Variants in NT5C2 observed in about 807,000 individuals in gnomAD.
NT5C2 encodes the protein 5'-nucleotidase, cytosolic II, also known as cytosolic purine 5'-nucleotidase.
NT5C2 carries 58 observed loss-of-function variants against 76.1 expected under a neutral mutation model. The ratio of observed to expected loss-of-function variants is 0.76; its 90% CI spans 0.62 to 0.95. The LOEUF is 0.95. Among genes scored for constraint, NT5C2 ranks in the 40% least tolerant of loss-of-function variants. The pLI is 0.00. For synonymous variants in NT5C2, 229 were observed against 237.4 expected, an observed-to-expected ratio of 0.96 and a Z score of 0.32; for missense variants, 478 against 690.3, an observed-to-expected ratio of 0.69 and a Z score of 3.45.
chr10:103,174,890 G>T lies in NT5C2; in HGVS notation c.69C>A (p.Ala23=), dbSNP rs1214907834. 6.2e-7 allele frequency: 1 copy of T among 1,613,348 alleles called. No individual in the cohort carries two copies. The highest frequency in any genetic ancestry group is 1.7e-5 in the Admixed American group (1 of 60,014). Residue 23 remains alanine (A), a synonymous_variant, in exon 3 of 19, where the codon GCC becomes GCA. Coordinates refer to ENST00000404739, the MANE Select transcript of NT5C2 (RefSeq NM_001351169.2). The part of the protein sequence containing the change: ...ADMPANMDKH[A]LKKYRREAYH... The stretch of plus-strand genomic sequence containing the variant: ...AGGCTTCTCGACGATACTTTTTCAG[G>T]GCATGCTTATCCATGTTAGCAGGCA...
Position 103,095,917 on chromosome 10 carries a change from T to A in NT5C2, c.813+22A>T, listed in dbSNP as rs549982673. 5.6e-6 allele frequency: 9 copies of A among 1,595,648 alleles called. No homozygotes were observed. In the South Asian group the frequency reaches 8.8e-5, roughly 16 times the overall value. ...GCATTCATTGTTATTAAAGCAGTGG[T>A]CTATTGAGTCACATACGGTACCTTG... is the stretch of plus-strand genomic sequence containing the variant. On this transcript the variant is annotated intron_variant, in intron 12 of 18. Transcript: ENST00000404739.
At chr10:103,098,797 G>T in intron 10 of NT5C2, 134 bp downstream of exon 10, 1 of 654,516 alleles carries the variant, frequency 1.5e-6, no homozygotes, top group Non-Finnish European at 2.6e-6. Context: ...TATTCTTGGT[G>T]ATTATACCCG....
At chr10:103,130,262 C>G (rs1207133278) in intron 4 of NT5C2, among the ~76,000 whole-genome samples, 9 of 151,784 alleles carry the variant, frequency 5.9e-5, no homozygotes, top group Admixed American at 2.0e-4. Flanking sequence ...TACCCCCAAC[C>G]CTGTGCTCTC....
chr10:103,168,723 T>C (rs1022392703), intron 3 of NT5C2, among the ~76,000 whole-genome samples: 6 of 152,218 alleles, frequency 3.9e-5, no homozygotes, highest in Non-Finnish European at 7.3e-5. Context: ...AATAATGACA[T>C]ATGACTGGCA....
intron 3 of NT5C2, among the ~76,000 whole-genome samples, chr10:103,149,020 ACTGTACAT>A (rs1565187200): frequency 6.6e-6 from 1 of 152,142 alleles, no homozygotes; most frequent in Non-Finnish European, 1.5e-5. Flanking sequence ...CTCAGCCTTG[ACTGTACAT>A]CTATTTCCCA....
intron 4 of NT5C2, among the ~76,000 whole-genome samples, chr10:103,130,417 C>A (rs951310507): frequency 1.3e-5 from 2 of 150,896 alleles, no homozygotes; most frequent in Non-Finnish European, 3.0e-5. Flanking sequence ...ACAAACACTG[C>A]GGAAGGCCGC....
chr10:103,114,210 C>T (rs1230093244), intron 4 of NT5C2, among the ~76,000 whole-genome samples: 2 of 152,018 alleles, frequency 1.3e-5, no homozygotes, highest in African/African-American at 2.4e-5. Context: ...GTAAGGAGTT[C>T]GAGACCAGCC....
intron 2 of NT5C2, among the ~76,000 whole-genome samples, chr10:103,180,462 T>C (rs2090855101): frequency 6.6e-6 from 1 of 152,204 alleles, no homozygotes; most frequent in Non-Finnish European, 1.5e-5. Flanking sequence ...TTGGGCACAG[T>C]GGCTCACACC....
intron 1 of NT5C2, among the ~76,000 whole-genome samples, chr10:103,190,968 G>A (rs1255716851): frequency 6.6e-6 from 1 of 152,136 alleles, no homozygotes; most frequent in Non-Finnish European, 1.5e-5. Flanking sequence ...CACAGCAAGT[G>A]TACTAGATAA....
intron 3 of NT5C2, chr10:103,146,386 A>G (rs969747035): frequency 3.0e-6 from 3 of 985,248 alleles, no homozygotes; most frequent in Admixed American, 6.1e-5. Flanking sequence ...ACAACAAATG[A>G]GACTAAGGAT....
chr10:103,122,989 TA>T (rs2075973458), intron 4 of NT5C2, among the ~76,000 whole-genome samples: 1 of 152,216 alleles, frequency 6.6e-6, no homozygotes, highest in Non-Finnish European at 1.5e-5. Context: ...TTACATTAAA[TA>T]AATCTGTATG....
intron 15 of NT5C2, among the ~76,000 whole-genome samples, chr10:103,092,662 A>G (rs3781282): frequency 0.32 from 48,058 of 152,144 alleles, 7,685 homozygotes; most frequent in Middle Eastern, 0.36. Context: ...TATACACAGC[A>G]TAGCTTAGTT....
Position 103,169,036 on chromosome 10 carries a change from C to T in NT5C2, c.101+5822G>A, listed in dbSNP as rs868277337. 3.3e-5 allele frequency among the ~76,000 whole-genome samples: 5 copies of T among 151,992 alleles called. No homozygotes were observed. The South Asian group carries it at 8.3e-4, about 25-fold the overall frequency. ...ATTTAAAATTTTTAATTAACAAAAGCAAATACTGTTAGGAGATACAAGTCT... is the reference window on the plus strand; with the variant it reads ...ATTTAAAATTTTTAATTAACAAAAGTAAATACTGTTAGGAGATACAAGTCT... On this transcript the variant is annotated intron_variant, in intron 3 of 18. Transcript: ENST00000404739.
chr10:103,113,823 A>C (rs1190709647), intron 4 of NT5C2, among the ~76,000 whole-genome samples: 1 of 152,236 alleles, frequency 6.6e-6, no homozygotes, highest in Non-Finnish European at 1.5e-5. Context: ...TTTATGTCTG[A>C]CTTATTCAGG....
chr10:103,125,592 G>T (rs1031915592), intron 4 of NT5C2, among the ~76,000 whole-genome samples: 5 of 152,160 alleles, frequency 3.3e-5, no homozygotes, highest in Non-Finnish European at 7.3e-5. Flanking sequence ...AGGACTTTAT[G>T]TCACTCATTT....
At chr10:103,153,113 T>C (rs180828485) in intron 3 of NT5C2, among the ~76,000 whole-genome samples, 2 of 152,290 alleles carry the variant, frequency 1.3e-5, no homozygotes, top group Non-Finnish European at 2.9e-5. Context: ...AAAACAACAA[T>C]AGCAACTTTA....
At chr10:103,158,194 G>C (rs977157622) in intron 3 of NT5C2, among the ~76,000 whole-genome samples, 2 of 151,718 alleles carry the variant, frequency 1.3e-5, no homozygotes, top group Non-Finnish European at 2.9e-5. Context: ...ACGAAAAAAA[G>C]GACATAACAA....
chr10:103,172,909 G>C lies in NT5C2; in HGVS notation c.101+1949C>G, dbSNP rs2088608188. Among the ~76,000 whole-genome samples, 3 of 152,348 alleles carry C rather than the reference G, an allele frequency of 2.0e-5. No individual in the cohort carries two copies. In the South Asian group the frequency reaches 6.2e-4, roughly 32 times the overall value. On this transcript the variant is annotated intron_variant, in intron 3 of 18. Coordinates refer to ENST00000404739, the MANE Select transcript of NT5C2 (RefSeq NM_001351169.2). Reference sequence around the variant, plus strand: ...CCTGTACTCAGCTACTCAGACAGCTGAGGCAGGAGAATTGCTTGAACCCAG... The same window carrying C: ...CCTGTACTCAGCTACTCAGACAGCTCAGGCAGGAGAATTGCTTGAACCCAG...
Position 103,142,065 on chromosome 10 carries a change from A to G in NT5C2, c.102-2586T>C, listed in dbSNP as rs1321024376. 2.6e-5 allele frequency among the ~76,000 whole-genome samples: 4 copies of G among 152,192 alleles called. No individual in the cohort carries two copies. The East Asian group carries it at 5.8e-4, about 22-fold the overall frequency. ...AGAAAAGGTTTACAGTAAACTACAAAGCATTTATTGTGGCTGGAGTTGAGA... is the reference window on the plus strand; with the variant it reads ...AGAAAAGGTTTACAGTAAACTACAAGGCATTTATTGTGGCTGGAGTTGAGA... On this transcript the variant is annotated intron_variant, in intron 3 of 18. Coordinates refer to ENST00000404739, the MANE Select transcript of NT5C2 (RefSeq NM_001351169.2).
Sources: gnomAD v4.1 joint callset for allele counts (sites outside exome capture counted in the v4.1 genomes callset) on GRCh38, gnomAD v4.1.1 for gene constraint, MANE v1.5 for transcripts, NCBI Gene and HGNC (gene_info 2026-07-23, HGNC 2026-07-21) for gene names.